Variants in SLCO5A1 observed in about 807,000 individuals in gnomAD.
The protein encoded by SLCO5A1 is organic anion transporter polypeptide-related protein 4.
Under a neutral mutation model 65.1 loss-of-function variants are expected in SLCO5A1, and 39 were observed. That is an observed-to-expected ratio of 0.60 (90% CI 0.46 to 0.78). The LOEUF (loss-of-function observed/expected upper bound fraction) is 0.78. Among genes scored for constraint, SLCO5A1 ranks in the 30% least tolerant of loss-of-function variants. The probability of loss-of-function intolerance (pLI) is 0.00; values close to 1 mark genes in which losing one functional copy is unlikely to be tolerated. For missense variants in SLCO5A1, 1,029 were observed against 1,069.4 expected (o/e 0.96, Z 0.53); for synonymous variants, 438 against 415.7 (o/e 1.05, Z -0.65).
intron 6 of SLCO5A1, among the ~76,000 whole-genome samples, chr8:69,687,506 C>T (rs1310727480): frequency 6.6e-6 from 1 of 152,204 alleles, no homozygotes; most frequent in Non-Finnish European, 1.5e-5. Flanking sequence ...CAAACTATCT[C>T]TTTAAGTCCA....
intron 6 of SLCO5A1, among the ~76,000 whole-genome samples, chr8:69,692,498 A>G (rs1417732507): frequency 6.6e-6 from 1 of 152,076 alleles, no homozygotes. Context: ...GCTTACTATA[A>G]TTTTTTTACT....
rs112343884 is a variant in SLCO5A1 at position 69,801,997 on chromosome 8, C to T, written c.907+29770G>A. ...CAGCCTATTTTATTTCTCTGCTCCTCAGTTTTCCCAGTTAGAGAATGAGAG... is the reference window on the plus strand; with the variant it reads ...CAGCCTATTTTATTTCTCTGCTCCTTAGTTTTCCCAGTTAGAGAATGAGAG... On this transcript the variant is annotated intron_variant, in intron 2 of 9. Coordinates refer to ENST00000260126, the MANE Select transcript of SLCO5A1 (RefSeq NM_030958.3). 5.7e-3 allele frequency among the ~76,000 whole-genome samples: 861 copies of T among 152,274 alleles called. 8 individuals carry two copies. Among genetic ancestry groups the T allele is most frequent in the African/African-American group, 0.02 (817 of 41,558 alleles).
intron 2 of SLCO5A1, among the ~76,000 whole-genome samples, chr8:69,806,815 T>C (rs991326697): frequency 3.3e-5 from 5 of 152,248 alleles, no homozygotes; most frequent in Non-Finnish European, 5.9e-5. Context: ...CGGGAGCTTC[T>C]GGACAAACCT....
intron 2 of SLCO5A1, among the ~76,000 whole-genome samples, chr8:69,771,431 G>C (rs541360512): frequency 6.6e-6 from 1 of 152,158 alleles, no homozygotes; most frequent in East Asian, 1.9e-4. Flanking sequence ...TTTTAGTGCT[G>C]TTTGTATTAG....
intron 2 of SLCO5A1, among the ~76,000 whole-genome samples, chr8:69,768,843 A>G (rs1485574853): frequency 1.3e-5 from 2 of 151,916 alleles, no homozygotes; most frequent in South Asian, 2.1e-4. Flanking sequence ...TACCAACCCA[A>G]CTGAAGCCAT....
chr8:69,740,709 A>G (rs1816756131), intron 4 of SLCO5A1, among the ~76,000 whole-genome samples: 1 of 152,224 alleles, frequency 6.6e-6, no homozygotes, highest in Admixed American at 6.5e-5. Flanking sequence ...AGATAATACA[A>G]GATAAGCCTA....
At chr8:69,765,428 A>G (rs1818020956) in intron 2 of SLCO5A1, among the ~76,000 whole-genome samples, 1 of 152,260 alleles carries the variant, frequency 6.6e-6, no homozygotes, top group Non-Finnish European at 1.5e-5. Flanking sequence ...ACAGAGGCAC[A>G]TATACATATA....
At chr8:69,805,668 C>T (rs755207691) in intron 2 of SLCO5A1, among the ~76,000 whole-genome samples, 1 of 152,176 alleles carries the variant, frequency 6.6e-6, no homozygotes, top group African/African-American at 2.4e-5. Context: ...CAGCAGTCAA[C>T]TCAACATACA....
At chr8:69,767,889 C>CAAAAAAAAAAAAAAAA (rs746004982) in intron 2 of SLCO5A1, among the ~76,000 whole-genome samples, 1 of 35,040 alleles carries the variant, frequency 2.9e-5, no homozygotes, top group Non-Finnish European at 5.5e-5. Flanking sequence ...GACTCCATCT[C>CAAAAAAAAAAAAAAAA]AAAAAAAAAA....
chr8:69,716,615 A>G (rs2933035), intron 5 of SLCO5A1, among the ~76,000 whole-genome samples: 84,423 of 152,026 alleles, frequency 0.56, 23,890 homozygotes, highest in Middle Eastern at 0.62. Context: ...GGACATTGGT[A>G]CATCTTTTTT....
At chr8:69,799,112 C>T (rs1174223805) in intron 2 of SLCO5A1, among the ~76,000 whole-genome samples, 1 of 152,068 alleles carries the variant, frequency 6.6e-6, no homozygotes, top group African/African-American at 2.4e-5. Flanking sequence ...AATCTGGTGC[C>T]AAGCAATGAG....
intron 2 of SLCO5A1, among the ~76,000 whole-genome samples, chr8:69,779,091 A>T (rs1045990687): frequency 5.3e-5 from 8 of 152,204 alleles, no homozygotes; most frequent in Non-Finnish European, 1.2e-4. Flanking sequence ...TACAGCCCAC[A>T]AAGCTTAAGA....
intron 2 of SLCO5A1, among the ~76,000 whole-genome samples, chr8:69,829,048 A>G (rs768386284): frequency 5.9e-5 from 9 of 152,248 alleles, no homozygotes; most frequent in African/African-American, 9.6e-5. Context: ...GAGCCCAGGT[A>G]TCACTGTACA....
chr8:69,740,388 G>GT (rs1816744978), intron 4 of SLCO5A1, among the ~76,000 whole-genome samples: 1 of 152,178 alleles, frequency 6.6e-6, no homozygotes, highest in Non-Finnish European at 1.5e-5. Flanking sequence ...AAAGAAGAGA[G>GT]TTACAAATAT....
At chr8:69,719,015 G>A (rs993852248) in intron 5 of SLCO5A1, among the ~76,000 whole-genome samples, 3 of 152,110 alleles carry the variant, frequency 2.0e-5, no homozygotes, top group Non-Finnish European at 4.4e-5. Context: ...CAGCATTAGG[G>A]GGATTAAATG....
chr8:69,746,236 T>TA (rs140972561), intron 4 of SLCO5A1, among the ~76,000 whole-genome samples: 1,969 of 152,070 alleles, frequency 0.013, 46 homozygotes, highest in African/African-American at 0.045. Flanking sequence ...GAAAGAAAAA[T>TA]AAAAAAAGAA....
chr8:69,778,407 T>C (rs141156319), intron 2 of SLCO5A1, among the ~76,000 whole-genome samples: 4 of 152,224 alleles, frequency 2.6e-5, no homozygotes, highest in Admixed American at 1.3e-4. Flanking sequence ...ATTTACATCA[T>C]TGAGTTGTAT....
intron 4 of SLCO5A1, among the ~76,000 whole-genome samples, chr8:69,741,858 A>C (rs1816800270): frequency 6.6e-6 from 1 of 152,268 alleles, no homozygotes; most frequent in Admixed American, 6.5e-5. Context: ...GAAACAAAAA[A>C]GGATGAGTAA....
At chr8:69,709,816 G>A (rs906095227) in intron 5 of SLCO5A1, among the ~76,000 whole-genome samples, 1 of 152,150 alleles carries the variant, frequency 6.6e-6, no homozygotes, top group African/African-American at 2.4e-5. Context: ...CTAAGAATAT[G>A]TAATAGAGGG....
Sources: gnomAD v4.1 joint callset for allele counts (sites outside exome capture counted in the v4.1 genomes callset) on GRCh38, gnomAD v4.1.1 for gene constraint, MANE v1.5 for transcripts, NCBI Gene and HGNC (gene_info 2026-07-23, HGNC 2026-07-21) for gene names.